SWT1: variants seen among roughly 807,000 people sequenced by gnomAD.
SWT1 encodes the protein transcriptional protein SWT1.
In SWT1, 33 loss-of-function variants were observed where a neutral mutation model predicts 107.3. The ratio of observed to expected loss-of-function variants is 0.31; its 90% confidence interval spans 0.23 to 0.41. The LOEUF (loss-of-function observed/expected upper bound fraction) is 0.41, where lower values mean the gene tolerates loss of function less well. SWT1 is among the 10% of genes least tolerant of loss of function. The pLI, the probability that SWT1 is intolerant of heterozygous loss-of-function variation, is 1.00. For missense variants in SWT1, 898 were observed against 1,028.9 expected (o/e 0.87, Z 1.74); for synonymous variants, 345 against 348.3 (o/e 0.99, Z 0.11).
intron 13 of SWT1, among the ~76,000 whole-genome samples, chr1:185,211,170 T>G (rs1036034013): frequency 6.6e-6 from 1 of 151,994 alleles, no homozygotes; most frequent in Non-Finnish European, 1.5e-5. Context: ...ATTGACTTTC[T>G]TCACAGAATT....
intron 16 of SWT1, 56 bp downstream of exon 16, chr1:185,231,764 T>C: frequency 7.0e-7 from 1 of 1,431,234 alleles, no homozygotes; most frequent in South Asian, 1.2e-5. Context: ...CTCTTTCTCC[T>C]AGGCTTACCA....
intron 17 of SWT1, among the ~76,000 whole-genome samples, chr1:185,273,383 T>TGAA (rs1330390041): frequency 7.0e-6 from 1 of 143,444 alleles, no homozygotes; most frequent in Non-Finnish European, 1.5e-5. Flanking sequence ...ACAGCCTGGG[T>TGAA]GACAGAGTGA....
chr1:185,232,968 G>T (rs948074870), intron 16 of SWT1, among the ~76,000 whole-genome samples: 3 of 152,160 alleles, frequency 2.0e-5, no homozygotes, highest in African/African-American at 7.2e-5. Context: ...TGTCAGCAAG[G>T]TTGAGAACCT....
intron 16 of SWT1, among the ~76,000 whole-genome samples, chr1:185,247,858 A>C (rs571793844): frequency 1.3e-5 from 2 of 152,328 alleles, no homozygotes; most frequent in East Asian, 3.9e-4. Flanking sequence ...ATTTGCTTCT[A>C]GAAGTGTTTT....
At chr1:185,166,359 C>T (rs185479462) in intron 2 of SWT1, among the ~76,000 whole-genome samples, 2 of 152,316 alleles carry the variant, frequency 1.3e-5, no homozygotes, top group Admixed American at 1.3e-4. Context: ...TATATCCCAC[C>T]TCATCTCTAT....
At position 185,271,364 on chromosome 1, in the gene SWT1, T is replaced by C; in HGVS notation, c.2483T>C (p.Leu828Pro). The part of the protein sequence containing the change: ...PNSNYQDVET[L>P]YNFLIKYEVN... Reference sequence around the variant, plus strand: ...AGTAATTATCAAGATGTTGAGACCCTCTATAACTTCCTAATCAAGTATGAG... The same window carrying C: ...AGTAATTATCAAGATGTTGAGACCCCCTATAACTTCCTAATCAAGTATGAG... The change falls in exon 17 of 19, where the codon CTC (leucine) becomes CCC (proline). Residue 828 changes from leucine (L) to proline (P), a missense_variant. Around this residue, in one of 6 missense-constraint regions of SWT1, gnomAD observed 382 missense variants for 460.0 expected, o/e 0.83. Transcript: ENST00000367500. The C allele has an allele frequency of 6.6e-7, 1 of 1,514,150 alleles. No individual in the cohort carries two copies. The highest frequency in any genetic ancestry group is 1.1e-5 in the South Asian group (1 of 87,802). 93.8% of individuals were successfully genotyped at this position (1,514,150 alleles called of 1,614,324 possible).
intron 4 of SWT1, among the ~76,000 whole-genome samples, chr1:185,170,778 A>G (rs2102329005): frequency 6.6e-6 from 1 of 152,218 alleles, no homozygotes; most frequent in East Asian, 1.9e-4. Context: ...CTGAAGGAGC[A>G]CTGTTTCTTT....
intron 15 of SWT1, chr1:185,226,702 C>A (rs941574388): frequency 6.7e-6 from 3 of 446,918 alleles, no homozygotes; most frequent in East Asian, 3.5e-5. Flanking sequence ...ACAAAAGCTT[C>A]CCTGCTATTT....
intron 16 of SWT1, among the ~76,000 whole-genome samples, chr1:185,258,453 C>G (rs1662779866): frequency 6.6e-6 from 1 of 152,116 alleles, no homozygotes; most frequent in South Asian, 2.1e-4. Flanking sequence ...CTTCATTTTA[C>G]TCATTTTCTG....
chr1:185,215,960 G>A (rs1049592355), intron 14 of SWT1, among the ~76,000 whole-genome samples: 2 of 152,020 alleles, frequency 1.3e-5, no homozygotes, highest in Non-Finnish European at 2.9e-5. Context: ...TAGATATTAT[G>A]TTCTCTTTTT....
chr1:185,195,456 CAT>C (rs1179720889), intron 10 of SWT1, among the ~76,000 whole-genome samples: 2 of 152,200 alleles, frequency 1.3e-5, no homozygotes, highest in African/African-American at 2.4e-5. Context: ...CCGCAATAAA[CAT>C]ATGTGTGCAT....
intron 16 of SWT1, among the ~76,000 whole-genome samples, chr1:185,254,205 A>G (rs1484235504): frequency 1.8e-5 from 2 of 113,302 alleles, no homozygotes; most frequent in African/African-American, 4.1e-5. Flanking sequence ...GGATTTTTGC[A>G]TCAATGTTCA....
Position 185,174,770 on chromosome 1 carries a change from G to A in SWT1, c.623G>A (p.Arg208Lys), listed in dbSNP as rs778309755. The A allele has an allele frequency of 1.2e-6, 2 of 1,610,734 alleles. No individual in the cohort carries two copies. Among genetic ancestry groups the A allele is most frequent in the South Asian group, 1.1e-5 (1 of 89,962 alleles). ...AAATGTGTCTTAGAGAAATGGAAGAGAAATCAATTTTCTCAGGATTATAAC... is the reference window on the plus strand; with the variant it reads ...AAATGTGTCTTAGAGAAATGGAAGAAAAATCAATTTTCTCAGGATTATAAC... Reference protein sequence around the residue: ...SEKCVLEKWKRNQFSQDYNSN... With the variant: ...SEKCVLEKWKKNQFSQDYNSN... The change falls in exon 5 of 19, where the codon AGA becomes AAA. Residue 208 changes from arginine to lysine, a missense_variant. By Grantham distance (26) the Arg-to-Lys change is conservative. Transcript: ENST00000367500.
chr1:185,266,853 G>T (rs1383473082), intron 16 of SWT1, among the ~76,000 whole-genome samples: 1 of 152,104 alleles, frequency 6.6e-6, no homozygotes, highest in Non-Finnish European at 1.5e-5. Context: ...TTGCTTTGTG[G>T]CTCTGATAAA....
chr1:185,172,367 T>C (rs1655148878), intron 4 of SWT1, among the ~76,000 whole-genome samples: 2 of 151,000 alleles, frequency 1.3e-5, no homozygotes, highest in African/African-American at 5.0e-5. Context: ...TGATTTTCAA[T>C]ATGTTTTATG....
At position 185,256,966 on chromosome 1, in the gene SWT1, C is replaced by T. The variant is rs185619836; in HGVS notation, c.2442-14357C>T. ...ATGTACAGATGGGTTTTTGATGTGG[C>T]TGTCCTTTCTGCTTGTTAGTTTTCC... On this transcript the variant is annotated intron_variant, in intron 16 of 18. Coordinates refer to ENST00000367500, the MANE Select transcript of SWT1 (RefSeq NM_017673.7). Among the ~76,000 whole-genome samples the T allele has an allele frequency of 5.0e-3, 766 of 152,240 alleles. 7 individuals are homozygous for T. The highest frequency in any genetic ancestry group is 0.017 in the African/African-American group (707 of 41,526).
intron 13 of SWT1, among the ~76,000 whole-genome samples, chr1:185,207,483 T>C (rs1411890998): frequency 6.6e-6 from 1 of 152,176 alleles, no homozygotes; most frequent in Non-Finnish European, 1.5e-5. Flanking sequence ...GTTTATCTGC[T>C]GTGAGGAAAA....
At chr1:185,192,163 G>A (rs966647075) in intron 10 of SWT1, among the ~76,000 whole-genome samples, 4 of 152,098 alleles carry the variant, frequency 2.6e-5, no homozygotes, top group Admixed American at 1.3e-4. Context: ...ACAATCATAT[G>A]TCTGCACCAG....
chr1:185,256,740 C>G (rs1662564073), intron 16 of SWT1, among the ~76,000 whole-genome samples: 1 of 151,746 alleles, frequency 6.6e-6, no homozygotes, highest in East Asian at 1.9e-4. Flanking sequence ...CCTCCCGTAG[C>G]TCAGAGTAAT....
Sources: gnomAD v4.1 joint callset for allele counts (sites outside exome capture counted in the v4.1 genomes callset) on GRCh38, gnomAD v4.1.1 for gene constraint, gnomAD v4.1.1 regional missense constraint, MANE v1.5 for transcripts, NCBI Gene and HGNC (gene_info 2026-07-23, HGNC 2026-07-21) for gene names.